The following SYNCRIP variants were observed in gnomAD, a reference collection of about 807,000 sequenced individuals.
SYNCRIP encodes the protein synaptotagmin binding cytoplasmic RNA interacting protein.
SYNCRIP carries 9 observed loss-of-function variants against 68.9 expected under a neutral mutation model. That is an observed-to-expected ratio of 0.13 (90% CI 0.08 to 0.23). The LOEUF is 0.23. Ranked by LOEUF, SYNCRIP falls within the 10% of genes least tolerant of loss-of-function variation. The pLI, the probability that SYNCRIP is intolerant of heterozygous loss-of-function variation, is 1.00. For missense variants in SYNCRIP, 414 were observed against 770.6 expected (o/e 0.54, Z 5.48); for synonymous variants, 258 against 254.0 (o/e 1.02, Z -0.15).
intron 2 of SYNCRIP, 98 bp downstream of exon 2, chr6:85,641,194 A>AC: frequency 1.1e-6 from 1 of 942,706 alleles, no homozygotes. Flanking sequence ...TCCAGTACCC[A>AC]CACTTATTGG....
At chr6:85,630,189 G>C (rs927054768) in intron 6 of SYNCRIP, among the ~76,000 whole-genome samples, 1 of 151,628 alleles carries the variant, frequency 6.6e-6, no homozygotes, top group African/African-American at 2.4e-5. Flanking sequence ...GTGAAACCCC[G>C]TCTCTACTAA....
intron 7 of SYNCRIP, among the ~76,000 whole-genome samples, chr6:85,623,732 T>C (rs188597078): frequency 2.6e-5 from 4 of 152,300 alleles, no homozygotes; most frequent in East Asian, 3.9e-4. Flanking sequence ...AACAATGATT[T>C]TGCAGAATGA....
At chr6:85,640,649 G>T in intron 2 of SYNCRIP, 85 bp from the exon 3 acceptor site, 2 of 728,194 alleles carry the variant, frequency 2.7e-6, no homozygotes, top group Non-Finnish European at 4.3e-6. Flanking sequence ...AGGTACATGT[G>T]TGCCTTTACA....
intron 1 of SYNCRIP, among the ~76,000 whole-genome samples, chr6:85,642,353 C>A (rs1313395075): frequency 6.6e-6 from 1 of 152,166 alleles, no homozygotes; most frequent in Non-Finnish European, 1.5e-5. Context: ...CCCTTCCGTG[C>A]AGTGACTGCG....
Position 85,614,494 on chromosome 6 carries a change from A to C in SYNCRIP, c.*262T>G, listed in dbSNP as rs1805537928. The C allele has an allele frequency of 3.4e-6, 4 of 1,161,384 alleles. No homozygotes were observed. Among genetic ancestry groups the C allele is most frequent in the South Asian group, 3.3e-5 (1 of 29,954 alleles). The allele number at this position is 1,161,384 out of a possible 1,614,324, so 71.9% of individuals were successfully genotyped here. A position where few individuals can be genotyped will look rare whatever the true frequency, so the allele number is the denominator to read the frequency against. On this transcript the variant is annotated 3_prime_UTR_variant, in exon 11 of 11. Transcript: ENST00000369622. ...ACTACAGCCAAATGGACTTGAGCCA[A>C]ATTTTCTCAAGCACAAATGCAAACT...
intron 6 of SYNCRIP, among the ~76,000 whole-genome samples, chr6:85,627,224 C>T (rs1185846579): frequency 1.3e-5 from 2 of 148,716 alleles, no homozygotes; most frequent in Admixed American, 1.4e-4. Context: ...GCCCAGATCG[C>T]GCCACTGCAC....
intron 1 of SYNCRIP, 92 bp from the exon 2 acceptor site, chr6:85,641,543 A>G (rs908774926): frequency 7.7e-7 from 1 of 1,298,654 alleles, no homozygotes; most frequent in African/African-American, 1.5e-5. Context: ...TCTACCATTT[A>G]CTACACCAGC....
chr6:85,631,258 G>A (rs1583293092), intron 6 of SYNCRIP, among the ~76,000 whole-genome samples: 1 of 148,922 alleles, frequency 6.7e-6, no homozygotes, highest in East Asian at 2.1e-4. Context: ...AGAACTGCTT[G>A]AACCCAGGAG....
intron 10 of SYNCRIP, among the ~76,000 whole-genome samples, chr6:85,616,065 C>CTT (rs1805733331): frequency 6.6e-6 from 1 of 152,182 alleles, no homozygotes; most frequent in Non-Finnish European, 1.5e-5. Context: ...TAGTGCTGAA[C>CTT]TTTAACCACT....
chr6:85,641,530 T>A, intron 1 of SYNCRIP, 79 bp from the exon 2 acceptor site: 1 of 1,408,934 alleles, frequency 7.1e-7, no homozygotes, highest in Middle Eastern at 2.2e-4. Context: ...CATCTTTACT[T>A]TCTCTACCAT....
Position 85,615,352 on chromosome 6 carries a change from T to A in SYNCRIP, c.1281-5A>T, listed in dbSNP as rs760044626. 1 of 1,459,558 alleles carries A rather than the reference T, an allele frequency of 6.9e-7. No individual in the cohort carries two copies. Among genetic ancestry groups the A allele is most frequent in the East Asian group, 2.4e-5 (1 of 42,198 alleles). The allele number at this position is 1,459,558 out of a possible 1,614,324, so 90.4% of individuals were successfully genotyped here. A position where few individuals can be genotyped will look rare whatever the true frequency, so the allele number is the denominator to read the frequency against. ...TAATAGTAGTAATCGTCATACCTAT[T>A]AAAAAAGAGACAGAGATTAGAGTTT... On this transcript the variant is annotated splice_polypyrimidine_tract_variant and splice_region_variant and intron_variant, in intron 10 of 10. Coordinates refer to ENST00000369622, the MANE Select transcript of SYNCRIP (RefSeq NM_006372.5).
At chr6:85,631,210 G>GCA (rs1318088359) in intron 6 of SYNCRIP, among the ~76,000 whole-genome samples, 1 of 152,084 alleles carries the variant, frequency 6.6e-6, no homozygotes, top group Admixed American at 6.6e-5. Context: ...AGGCGTGGTG[G>GCA]CACACACCTG....
chr6:85,641,902 G>A (rs1356103763), intron 1 of SYNCRIP, among the ~76,000 whole-genome samples: 4 of 152,118 alleles, frequency 2.6e-5, no homozygotes, highest in South Asian at 2.1e-4. Context: ...GCTCATACAA[G>A]CCACCTTCCC....
chr6:85,618,339 G>A (rs1039179825), intron 10 of SYNCRIP, among the ~76,000 whole-genome samples: 1 of 151,766 alleles, frequency 6.6e-6, no homozygotes, highest in African/African-American at 2.4e-5. Flanking sequence ...TCAGGAGTTT[G>A]AGACCAACCT....
chr6:85,640,125 T>C (rs1369955747), intron 4 of SYNCRIP, 96 bp downstream of exon 4: 7 of 805,914 alleles, frequency 8.7e-6, no homozygotes, highest in South Asian at 4.9e-5. Context: ...TATCTCAACA[T>C]CTAACATACA....
chr6:85,627,041 G>A (rs532285452), intron 6 of SYNCRIP, among the ~76,000 whole-genome samples: 8 of 152,230 alleles, frequency 5.3e-5, no homozygotes, highest in South Asian at 4.1e-4. Flanking sequence ...TGAGGCGGGC[G>A]AATTGCCTAA....
intron 2 of SYNCRIP, 103 bp from the exon 3 acceptor site, chr6:85,640,667 T>C (rs1370981262): frequency 1.8e-5 from 11 of 624,022 alleles, no homozygotes; most frequent in Non-Finnish European, 1.1e-5. Context: ...ACAATTCTTC[T>C]ACTCCCCTCA....
At chr6:85,622,354 G>T in intron 8 of SYNCRIP, 128 bp downstream of exon 8, 1 of 903,702 alleles carries the variant, frequency 1.1e-6, no homozygotes, top group East Asian at 2.5e-5. Flanking sequence ...GGGAAACATG[G>T]GAAACAAGAG....
intron 1 of SYNCRIP, 33 bp from the exon 2 acceptor site, chr6:85,641,484 G>A: frequency 3.2e-6 from 5 of 1,584,520 alleles, no homozygotes; most frequent in Middle Eastern, 1.7e-4. Context: ...ATTAAACTAG[G>A]ATCTTCAAAA....
Sources: gnomAD v4.1 joint callset for allele counts (sites outside exome capture counted in the v4.1 genomes callset) on GRCh38, gnomAD v4.1.1 for gene constraint, MANE v1.5 for transcripts, NCBI Gene and HGNC (gene_info 2026-07-23, HGNC 2026-07-21) for gene names.